CYP39A1: variants seen among roughly 807,000 people sequenced by gnomAD.
CYP39A1 encodes the protein cytochrome P450 family 39 subfamily A member 1, also known as 24-hydroxycholesterol 7-alpha-hydroxylase.
A neutral mutation model predicts 58.1 loss-of-function variants in CYP39A1; 49 were observed. That is an observed-to-expected ratio of 0.84 (90% CI 0.67 to 1.07). The LOEUF is 1.07. Ranked by LOEUF, CYP39A1 falls within the 50% of genes least tolerant of loss-of-function variation. The pLI is 0.00. For synonymous variants in CYP39A1, 209 were observed against 187.6 expected (o/e 1.11, Z -0.93); for missense variants, 531 against 539.4 (o/e 0.98, Z 0.16).
intron 10 of CYP39A1, among the ~76,000 whole-genome samples, chr6:46,567,265 T>C (rs546529529): frequency 6.6e-6 from 1 of 152,230 alleles, no homozygotes; most frequent in African/African-American, 2.4e-5. Flanking sequence ...TTTCACTTAG[T>C]ATAATGTCTT....
intron 7 of CYP39A1, 77 bp from the exon 8 acceptor site, chr6:46,596,197 G>A: frequency 8.8e-7 from 1 of 1,136,962 alleles, no homozygotes; most frequent in Non-Finnish European, 1.2e-6. Context: ...CATCAGCAGA[G>A]GTTAGATGTT....
chr6:46,586,362 C>G, intron 10 of CYP39A1: 1 of 984,472 alleles, frequency 1.0e-6, no homozygotes, highest in Non-Finnish European at 1.2e-6. Context: ...AGAATCATCC[C>G]CAATGAAGAA....
At chr6:46,599,771 C>T (rs1488105757) in intron 7 of CYP39A1, among the ~76,000 whole-genome samples, 1 of 152,206 alleles carries the variant, frequency 6.6e-6, no homozygotes, top group African/African-American at 2.4e-5. Flanking sequence ...TTTGTGAGCT[C>T]CAGATTATTG....
chr6:46,636,105 T>C (rs1314588632), intron 5 of CYP39A1, among the ~76,000 whole-genome samples: 1 of 152,226 alleles, frequency 6.6e-6, no homozygotes, highest in African/African-American at 2.4e-5. Flanking sequence ...CCTGTCGCTA[T>C]TGACACAGCC....
At chr6:46,631,365 T>G (rs1562008635) in intron 5 of CYP39A1, among the ~76,000 whole-genome samples, 1 of 152,216 alleles carries the variant, frequency 6.6e-6, no homozygotes, top group Admixed American at 6.5e-5. Context: ...TGTGTCCTCA[T>G]CCATAAAATG....
At chr6:46,626,247 C>T (rs1442555551) in intron 6 of CYP39A1, among the ~76,000 whole-genome samples, 2 of 152,054 alleles carry the variant, frequency 1.3e-5, no homozygotes, top group African/African-American at 4.8e-5. Flanking sequence ...AATTAACTTC[C>T]TCCTCAGGTA....
Position 46,652,589 on chromosome 6 carries a change from G to C in CYP39A1, c.-7C>G. On this transcript the variant is annotated 5_prime_UTR_variant, in exon 1 of 12. Transcript: ENST00000275016. ...TTGGGGAAATTAGTTCCATGTTTTT[G>C]TCCAGCACCTTCCAGAAGCAGAAAA... is the stretch of plus-strand genomic sequence containing the variant. 6.3e-7 allele frequency: 1 copy of C among 1,587,320 alleles called. No individual in the cohort carries two copies. The highest frequency in any genetic ancestry group is 8.6e-7 in the Non-Finnish European group (1 of 1,167,570).
In CYP39A1 at chr6:46,599,112, C is replaced by T. The variant is rs75691927; in HGVS notation, c.932-2992G>A. Among the ~76,000 whole-genome samples, 947 of 152,142 alleles carry T rather than the reference C, an allele frequency of 6.2e-3. 9 individuals carry two copies. Among genetic ancestry groups the T allele is most frequent in the African/African-American group, 0.021 (878 of 41,480 alleles). On this transcript the variant is annotated intron_variant, in intron 7 of 11. Coordinates refer to ENST00000275016, the MANE Select transcript of CYP39A1 (RefSeq NM_016593.5). ...GGGGCCAGGTCTGAGGAATTCCTTC[C>T]ATTATTTGTTCAGTAGATATCTGCA...
At chr6:46,557,892 C>T (rs1395020257) in intron 10 of CYP39A1, among the ~76,000 whole-genome samples, 2 of 130,072 alleles carry the variant, frequency 1.5e-5, no homozygotes, top group Non-Finnish European at 3.0e-5. Context: ...GCTGAGATCG[C>T]ACCACTGCAT....
At chr6:46,634,174 C>G (rs1475039432) in intron 5 of CYP39A1, among the ~76,000 whole-genome samples, 1 of 152,130 alleles carries the variant, frequency 6.6e-6, no homozygotes, top group Non-Finnish European at 1.5e-5. Flanking sequence ...GTGCTGTTCT[C>G]GTGATGGTGA....
At chr6:46,550,557 G>A in intron 11 of CYP39A1, 120 bp from the exon 12 acceptor site, 11 of 739,200 alleles carry the variant, frequency 1.5e-5, no homozygotes, top group South Asian at 8.7e-5. Context: ...TTTCAAGTTG[G>A]GAAATGTTTG....
chr6:46,652,798 C>G lies in CYP39A1; in HGVS notation c.-216G>C. ...CCCACCTCCACTTCTCTTTGAATCT[C>G]AGCCAGCGCGGAAAAAATGCAAGGA... On this transcript the variant is annotated 5_prime_UTR_variant, in exon 1 of 12. Transcript: ENST00000275016. The G allele has an allele frequency of 2.0e-6, 1 of 500,346 alleles. No individual in the cohort carries two copies. Among genetic ancestry groups the G allele is most frequent in the Non-Finnish European group, 3.5e-6 (1 of 289,534 alleles). 31.0% of individuals were successfully genotyped at this position (500,346 alleles called of 1,614,324 possible).
chr6:46,583,052 C>T (rs1772236785), intron 10 of CYP39A1: 6 of 984,986 alleles, frequency 6.1e-6, no homozygotes, highest in African/African-American at 3.5e-5. Flanking sequence ...AAGCCCATGA[C>T]TTTGTGGCCT....
intron 3 of CYP39A1, 109 bp downstream of exon 3, chr6:46,639,385 G>T: frequency 9.4e-7 from 1 of 1,058,546 alleles, no homozygotes. Context: ...AGCCTAGTTA[G>T]GTAGATTTCA....
chr6:46,636,851 G>A (rs914646764), intron 4 of CYP39A1, among the ~76,000 whole-genome samples: 4 of 152,212 alleles, frequency 2.6e-5, no homozygotes, highest in African/African-American at 9.6e-5. Context: ...AAAACAAACT[G>A]GCTCTCATCT....
At chr6:46,628,824 GTA>G (rs1562006105) in intron 6 of CYP39A1, among the ~76,000 whole-genome samples, 1 of 152,216 alleles carries the variant, frequency 6.6e-6, no homozygotes, top group African/African-American at 2.4e-5. Flanking sequence ...CCTATGTTCA[GTA>G]TTAACGGGCC....
rs545938935 is a variant in CYP39A1, at chr6:46,626,303, T to C, written c.841-795A>G. 4.6e-5 allele frequency among the ~76,000 whole-genome samples: 7 copies of C among 152,306 alleles called. No homozygotes were observed. The East Asian group carries it at 1.4e-3, about 29-fold the overall frequency. ...TAGGTTACGTAATAAAGAAAACCTG[T>C]ATAAAATCATCCAAAGAAGTGTGGG... On this transcript the variant is annotated intron_variant, in intron 6 of 11. Coordinates refer to ENST00000275016, the MANE Select transcript of CYP39A1 (RefSeq NM_016593.5).
intron 10 of CYP39A1, among the ~76,000 whole-genome samples, chr6:46,556,435 G>A (rs1165115191): frequency 6.6e-6 from 1 of 152,146 alleles, no homozygotes; most frequent in Non-Finnish European, 1.5e-5. Flanking sequence ...ATCTAGATAG[G>A]AGTCTACTTG....
At chr6:46,649,627 A>C (rs1762543552) in intron 1 of CYP39A1, among the ~76,000 whole-genome samples, 1 of 152,234 alleles carries the variant, frequency 6.6e-6, no homozygotes, top group African/African-American at 2.4e-5. Flanking sequence ...TTTTGCTTAT[A>C]AGGCGGAAAA....
Sources: allele counts gnomAD v4.1 joint callset (sites outside exome capture counted in the v4.1 genomes callset), GRCh38; gene constraint gnomAD v4.1.1; transcripts MANE v1.5; gene names NCBI Gene and HGNC (gene_info 2026-07-23, HGNC 2026-07-21).